PIK3C2G: variants seen among roughly 807,000 people sequenced by gnomAD.
The protein encoded by PIK3C2G is phosphatidylinositol-4-phosphate 3-kinase catalytic subunit type 2 gamma.
Under a neutral mutation model 181.1 loss-of-function variants are expected in PIK3C2G, and 168 were observed. The ratio of observed to expected loss-of-function variants is 0.93; its 90% CI spans 0.82 to 1.05. PIK3C2G has a LOEUF of 1.05. PIK3C2G is among the 50% of genes least tolerant of loss of function. PIK3C2G has a pLI of 0.00. For missense variants in PIK3C2G, 1,869 were observed against 1,732.8 expected, an observed-to-expected ratio of 1.08 and a Z score of -1.40; for synonymous variants, 573 against 592.2, an observed-to-expected ratio of 0.97 and a Z score of 0.47.
intron 25 of PIK3C2G, among the ~76,000 whole-genome samples, chr12:18,542,660 T>G (rs1260297682): frequency 6.6e-6 from 1 of 151,938 alleles, no homozygotes; most frequent in South Asian, 2.1e-4. Flanking sequence ...ATATGCAGTA[T>G]GTGGTTTTCT....
intron 29 of PIK3C2G, among the ~76,000 whole-genome samples, chr12:18,578,492 G>C (rs1473050882): frequency 2.6e-5 from 4 of 152,132 alleles, no homozygotes; most frequent in African/African-American, 9.7e-5. Context: ...CTATCTGCAA[G>C]TAAGTTAGTC....
chr12:18,555,477 T>G (rs1944958893), intron 26 of PIK3C2G, among the ~76,000 whole-genome samples: 1 of 152,144 alleles, frequency 6.6e-6, no homozygotes, highest in African/African-American at 2.4e-5. Flanking sequence ...ACACACACAG[T>G]GCTAAGAAAC....
At chr12:18,701,808 C>T in the PIK3C2G span, 26 of 1,572,072 alleles carry the variant, frequency 1.7e-5, no homozygotes, top group Non-Finnish European at 2.2e-5. Context: ...TACAATTACA[C>T]ATTTACAAGT....
Position 18,381,778 on chromosome 12 carries a change from C to T in PIK3C2G, c.1893C>T (p.Leu631=), listed in dbSNP as rs774324308. The change falls in exon 14 of 33, where the codon CTC becomes CTT. Residue 631 remains leucine (L), a synonymous_variant. Coordinates refer to ENST00000538779, the MANE Select transcript of PIK3C2G (RefSeq NM_001288772.2). ...TTGTCTTTTGCAGAAAATCCATTCT[C>T]GGGTCTATGCTGTTCAGCATGACAT... is the stretch of plus-strand genomic sequence containing the variant. ...LPLFPKEKSI[L]GSMLFSMTLQ... 6.2e-6 allele frequency: 10 copies of T among 1,606,522 alleles called. No homozygotes were observed. The South Asian group carries it at 6.6e-5, about 11-fold the overall frequency.
rs556544268 is a variant in PIK3C2G, at chr12:18,632,258, C to A, written c.4183-8171C>A. On this transcript the variant is annotated intron_variant, in intron 31 of 32. Transcript: ENST00000538779. ...CATACAGTATATTCATGTTTAATTC[C>A]TAGGAAATAAAAATAATATCAATGT... 3.7e-3 allele frequency among the ~76,000 whole-genome samples: 559 copies of A among 152,218 alleles called. 3 individuals carry two copies. The highest frequency in any genetic ancestry group is 0.013 in the African/African-American group (538 of 41,542).
At chr12:18,283,614 A>T (rs77680846) in intron 2 of PIK3C2G, among the ~76,000 whole-genome samples, 2,714 of 152,292 alleles carry the variant, frequency 0.018, 80 homozygotes, top group African/African-American at 0.062. Context: ...ACTTGCAAAC[A>T]AATAATGGCA....
intron 18 of PIK3C2G, among the ~76,000 whole-genome samples, chr12:18,451,009 A>G (rs1947319012): frequency 6.6e-6 from 1 of 152,136 alleles, no homozygotes; most frequent in South Asian, 2.1e-4. Context: ...GTCAGGTAGC[A>G]CGATGCCTCC....
intron 24 of PIK3C2G, among the ~76,000 whole-genome samples, chr12:18,524,095 G>A (rs1191124571): frequency 6.6e-6 from 1 of 152,134 alleles, no homozygotes; most frequent in African/African-American, 2.4e-5. Context: ...ATGAGCCCAG[G>A]TGGTTTAACC....
At chr12:18,446,880 T>A (rs888883601) in intron 18 of PIK3C2G, among the ~76,000 whole-genome samples, 1 of 152,180 alleles carries the variant, frequency 6.6e-6, no homozygotes, top group Non-Finnish European at 1.5e-5. Flanking sequence ...ACTTTTTTCT[T>A]CTTTTAAATT....
intron 32 of PIK3C2G, among the ~76,000 whole-genome samples, chr12:18,642,106 T>C (rs1279390812): frequency 6.6e-6 from 1 of 152,152 alleles, no homozygotes; most frequent in African/African-American, 2.4e-5. Context: ...CATAGGCACT[T>C]TTAGACCAGG....
chr12:18,545,254 T>G (rs1944362362), intron 25 of PIK3C2G, among the ~76,000 whole-genome samples: 1 of 151,892 alleles, frequency 6.6e-6, no homozygotes, highest in Non-Finnish European at 1.5e-5. Flanking sequence ...TGTCTTGCTT[T>G]CCTATACATG....
chr12:18,285,508 A>G (rs1242417243), intron 2 of PIK3C2G: 12 of 152,090 alleles, frequency 7.9e-5, no homozygotes, highest in Non-Finnish European at 1.5e-4. Flanking sequence ...ATAGCATGTT[A>G]TTGTAGGATT....
chr12:18,291,398 G>A (rs971308206), intron 4 of PIK3C2G, among the ~76,000 whole-genome samples: 6 of 152,040 alleles, frequency 3.9e-5, no homozygotes, highest in African/African-American at 1.4e-4. Flanking sequence ...AAATTGTGAG[G>A]TAGAATAGGC....
intron 22 of PIK3C2G, among the ~76,000 whole-genome samples, chr12:18,498,823 T>C (rs1941210061): frequency 6.6e-6 from 1 of 152,212 alleles, no homozygotes; most frequent in South Asian, 2.1e-4. Flanking sequence ...ATGCCAAGTG[T>C]CCCACTCTAA....
At chr12:18,304,345 C>T (rs1254370285) in intron 5 of PIK3C2G, among the ~76,000 whole-genome samples, 2 of 152,182 alleles carry the variant, frequency 1.3e-5, no homozygotes, top group East Asian at 1.9e-4. Flanking sequence ...CAACCTCTGC[C>T]TCCTGGATTC....
the PIK3C2G span, among the ~76,000 whole-genome samples, chr12:18,712,347 G>C: frequency 6.6e-6 from 1 of 152,034 alleles, no homozygotes; most frequent in South Asian, 2.1e-4. Context: ...TAACTATATC[G>C]TTGAATCTGT....
intron 29 of PIK3C2G, among the ~76,000 whole-genome samples, chr12:18,572,018 T>C (rs2136379141): frequency 6.6e-6 from 1 of 150,464 alleles, no homozygotes; most frequent in Non-Finnish European, 1.5e-5. Context: ...TGTTAGGAAT[T>C]ACCATAGACA....
intron 7 of PIK3C2G, among the ~76,000 whole-genome samples, chr12:18,323,742 G>T (rs1951209426): frequency 6.6e-6 from 1 of 152,126 alleles, no homozygotes; most frequent in Admixed American, 6.5e-5. Flanking sequence ...TCAAGCACTG[G>T]ATGGCAAGGG....
chr12:18,408,277 G>A (rs1188747462), intron 16 of PIK3C2G, among the ~76,000 whole-genome samples: 1 of 152,004 alleles, frequency 6.6e-6, no homozygotes, highest in African/African-American at 2.4e-5. Context: ...TAGCTTTCTG[G>A]ATATGGCTAA....
Sources: gnomAD v4.1 joint callset for allele counts (sites outside exome capture counted in the v4.1 genomes callset) on GRCh38, gnomAD v4.1.1 for gene constraint, MANE v1.5 for transcripts, NCBI Gene and HGNC (gene_info 2026-07-23, HGNC 2026-07-21) for gene names.